Variants in SLC18B1 observed in about 807,000 individuals in gnomAD.
SLC18B1 encodes solute carrier family 18 member B1.
A neutral mutation model predicts 53.9 loss-of-function variants in SLC18B1; 62 were observed. That is an observed-to-expected ratio of 1.15 (90% CI 0.94 to 1.42). The LOEUF (loss-of-function observed/expected upper bound fraction) is 1.42, where lower values mean the gene tolerates loss of function less well. SLC18B1 is among the 40% of genes most tolerant of loss of function. The pLI, the probability that SLC18B1 is intolerant of heterozygous loss-of-function variation, is 0.00. For synonymous variants in SLC18B1, 217 were observed against 200.9 expected (o/e 1.08, Z -0.68); for missense variants, 598 against 547.3 (o/e 1.09, Z -0.93).
chr6:132,781,597 A>T (rs1372519078), intron 6 of SLC18B1, among the ~76,000 whole-genome samples: 1 of 151,968 alleles, frequency 6.6e-6, no homozygotes, highest in African/African-American at 2.4e-5. Flanking sequence ...TCTCTACTAA[A>T]AATACAAAAA....
At chr6:132,786,341 C>G (rs190976431) in intron 5 of SLC18B1, among the ~76,000 whole-genome samples, 529 of 151,934 alleles carry the variant, frequency 3.5e-3, no homozygotes, top group African/African-American at 1.0e-2. Context: ...GTCAGGAGAT[C>G]GAGACCATCC....
rs200825659 is a variant in SLC18B1, at chr6:132,772,145, T to C, written c.1147A>G (p.Met383Val). 2.5e-5 allele frequency: 40 copies of C among 1,572,168 alleles called. No individual in the cohort carries two copies. The highest frequency in any genetic ancestry group is 3.2e-5 in the Non-Finnish European group (37 of 1,165,830). Residue 383 changes from methionine to valine, a missense_variant, in exon 11 of 14, where the codon ATG (methionine) becomes GTG (valine). Met to Val is a conservative substitution (Grantham distance 21, BLOSUM62 1). Coordinates refer to ENST00000275227, the MANE Select transcript of SLC18B1 (RefSeq NM_052831.3). Reference protein sequence around the residue: ...LGLVSGLFSAMWSIGAFMGPT... With the variant: ...LGLVSGLFSAVWSIGAFMGPT... ...ATGACTACTCACCCAATTGACCACA[T>C]TGCACTAAAAAGACCTGATACAAGT...
intron 2 of SLC18B1, among the ~76,000 whole-genome samples, chr6:132,796,528 A>G (rs1316959649): frequency 9.4e-6 from 1 of 106,698 alleles, no homozygotes; most frequent in East Asian, 2.2e-4. Context: ...CCCTGTCTCG[A>G]AAGGAAAAAA....
rs1189196166 is a variant in SLC18B1 at position 132,769,898 on chromosome 6, G to C, written c.*372C>G. ...ATTTCTTTCCCTGTTAATAAAAAAGGTACATTCACAGAATCAGTGTACTTA... is the reference window on the plus strand; with the variant it reads ...ATTTCTTTCCCTGTTAATAAAAAAGCTACATTCACAGAATCAGTGTACTTA... On this transcript the variant is annotated 3_prime_UTR_variant, in exon 14 of 14. Transcript: ENST00000275227. 5 of 160,400 alleles carry C rather than the reference G, an allele frequency of 3.1e-5. No homozygotes were observed. Among genetic ancestry groups the C allele is most frequent in the South Asian group, 1.9e-4 (1 of 5,234 alleles). 9.9% of individuals were successfully genotyped at this position (160,400 alleles called of 1,614,324 possible).
chr6:132,791,072 G>T (rs1781512830), intron 2 of SLC18B1, among the ~76,000 whole-genome samples: 2 of 152,114 alleles, frequency 1.3e-5, no homozygotes, highest in Non-Finnish European at 2.9e-5. Flanking sequence ...CGGAACTATT[G>T]CAAATCCTTA....
At chr6:132,795,608 T>C (rs1300304378) in intron 2 of SLC18B1, among the ~76,000 whole-genome samples, 1 of 152,212 alleles carries the variant, frequency 6.6e-6, no homozygotes, top group Admixed American at 6.5e-5. Context: ...TAAAAGGCAG[T>C]TGGAGGACTA....
intron 1 of SLC18B1, among the ~76,000 whole-genome samples, chr6:132,798,027 G>A (rs538426999): frequency 2.0e-5 from 3 of 152,130 alleles, no homozygotes; most frequent in Non-Finnish European, 4.4e-5. Flanking sequence ...TGCAACATGA[G>A]GAAGTCTTAC....
intron 2 of SLC18B1, 140 bp downstream of exon 2, chr6:132,796,842 A>G (rs943729483): frequency 4.5e-5 from 37 of 817,004 alleles, no homozygotes; most frequent in African/African-American, 2.3e-4. Context: ...GAAGTATTCT[A>G]TTGGCTGGAG....
At chr6:132,771,212 G>GT in intron 11 of SLC18B1, 83 bp from the exon 12 acceptor site, 1 of 1,236,220 alleles carries the variant, frequency 8.1e-7, no homozygotes, top group East Asian at 2.3e-5. Context: ...TCCTTCAATT[G>GT]TAAGTCTTCA....
chr6:132,787,544 C>T lies in SLC18B1; in HGVS notation c.391G>A (p.Ala131Thr). 6.2e-7 allele frequency: 1 copy of T among 1,608,566 alleles called. No homozygotes were observed. ...DRVPDGPVFI[A>T]MCFLVRVMDA... ...ATTACTCTCACTAGAAAACACATAGCAATAAATACTGGCCCATCTGGAACT... is the reference window on the plus strand; with the variant it reads ...ATTACTCTCACTAGAAAACACATAGTAATAAATACTGGCCCATCTGGAACT... The change falls in exon 5 of 14, where the codon GCT (alanine) becomes ACT (threonine). Residue 131 changes from alanine to threonine, a missense_variant. By Grantham distance (58) the Ala-to-Thr change is moderately conservative (BLOSUM62 0). Coordinates refer to ENST00000275227, the MANE Select transcript of SLC18B1 (RefSeq NM_052831.3).
intron 2 of SLC18B1, among the ~76,000 whole-genome samples, chr6:132,791,664 G>A (rs891550910): frequency 6.6e-6 from 1 of 152,170 alleles, no homozygotes; most frequent in African/African-American, 2.4e-5. Context: ...AGGGCAGAGA[G>A]GATGGGCCCA....
In SLC18B1 at chr6:132,774,290, C is replaced by T. The variant is rs137973504; in HGVS notation, c.921G>A (p.Val307=). ...ACCCGGCTGTGATTAAGTTGCCAAA[C>T]ACCAGAAGCCATTTCCTTAGAGGCT... ...KRPPLRKWLL[V]FGNLITAGCY... is the part of the protein sequence containing the mutation. The change falls in exon 9 of 14, where the codon GTG becomes GTA. Residue 307 remains valine (V), a synonymous_variant. Coordinates refer to ENST00000275227, the MANE Select transcript of SLC18B1 (RefSeq NM_052831.3). 3.1e-6 allele frequency: 5 copies of T among 1,612,848 alleles called. No homozygotes were observed. Among genetic ancestry groups the T allele is most frequent in the East Asian group, 4.5e-5 (2 of 44,840 alleles).
intron 2 of SLC18B1, among the ~76,000 whole-genome samples, chr6:132,795,945 G>A (rs1582876127): frequency 6.6e-6 from 1 of 152,226 alleles, no homozygotes; most frequent in African/African-American, 2.4e-5. Context: ...GGGCGTGGTG[G>A]CTCACGCCTG....
intron 1 of SLC18B1, 69 bp from the exon 2 acceptor site, chr6:132,797,190 T>G (rs981853869): frequency 6.6e-5 from 104 of 1,581,052 alleles, no homozygotes; most frequent in Non-Finnish European, 8.9e-5. Flanking sequence ...AAATGTGATT[T>G]CTGTGCACAT....
intron 11 of SLC18B1, among the ~76,000 whole-genome samples, chr6:132,771,887 T>C (rs1353367393): frequency 6.6e-6 from 1 of 151,406 alleles, no homozygotes; most frequent in Middle Eastern, 3.2e-3. Context: ...AGGTCAGGAG[T>C]TCAAGACCAG....
chr6:132,782,397 T>G (rs1038096815), intron 6 of SLC18B1, among the ~76,000 whole-genome samples: 2 of 152,168 alleles, frequency 1.3e-5, no homozygotes, highest in Non-Finnish European at 2.9e-5. Flanking sequence ...CATACTTATT[T>G]TTTTATGGTG....
At chr6:132,771,781 A>G (rs1780980697) in intron 11 of SLC18B1, among the ~76,000 whole-genome samples, 1 of 152,186 alleles carries the variant, frequency 6.6e-6, no homozygotes, top group Non-Finnish European at 1.5e-5. Context: ...AATATTTTCC[A>G]TCTTGCAAGT....
chr6:132,771,668 T>C (rs1780977105), intron 11 of SLC18B1, among the ~76,000 whole-genome samples: 1 of 152,232 alleles, frequency 6.6e-6, no homozygotes, highest in African/African-American at 2.4e-5. Context: ...AGGGTATGGA[T>C]TAGAACTCTG....
intron 5 of SLC18B1, among the ~76,000 whole-genome samples, chr6:132,787,018 A>G (rs1781395542): frequency 6.6e-6 from 1 of 152,228 alleles, no homozygotes; most frequent in Admixed American, 6.5e-5. Flanking sequence ...AAATCTGGGG[A>G]AAGTGGAAGA....
Sources: allele counts gnomAD v4.1 joint callset (sites outside exome capture counted in the v4.1 genomes callset), GRCh38; gene constraint gnomAD v4.1.1; transcripts MANE v1.5; gene names NCBI Gene and HGNC (gene_info 2026-07-23, HGNC 2026-07-21).